UBAC2: variants seen among roughly 807,000 people sequenced by gnomAD.
UBAC2 encodes ubiquitin-associated domain-containing protein 2.
In UBAC2, 26 loss-of-function variants were observed where a neutral mutation model predicts 44.0. The ratio of observed to expected loss-of-function variants is 0.59; its 90% confidence interval spans 0.43 to 0.82. UBAC2 has a LOEUF of 0.82. UBAC2 is among the 40% of genes least tolerant of loss of function. UBAC2 has a pLI of 0.00. For synonymous variants in UBAC2, 155 were observed against 154.3 expected, an observed-to-expected ratio of 1.00 and a Z score of -0.04; for missense variants, 329 against 419.4, an observed-to-expected ratio of 0.78 and a Z score of 1.88.
chr13:99,332,958 G>T (rs1209519021), intron 6 of UBAC2, among the ~76,000 whole-genome samples: 1 of 152,038 alleles, frequency 6.6e-6, no homozygotes, highest in East Asian at 1.9e-4. Context: ...TGTAAAAAAG[G>T]TTTATGAGAT....
At chr13:99,279,460 A>G (rs1387858169) in intron 4 of UBAC2, among the ~76,000 whole-genome samples, 4 of 152,220 alleles carry the variant, frequency 2.6e-5, no homozygotes, top group Non-Finnish European at 5.9e-5. Context: ...ATGCTTTCTT[A>G]GAACATTTTT....
At chr13:99,299,419 T>C (rs912962103) in intron 4 of UBAC2, among the ~76,000 whole-genome samples, 1 of 152,034 alleles carries the variant, frequency 6.6e-6, no homozygotes, top group Admixed American at 6.6e-5. Context: ...TTATACAACA[T>C]GCCACTTTTT....
intron 4 of UBAC2, among the ~76,000 whole-genome samples, chr13:99,302,963 A>T (rs528638996): frequency 1.3e-5 from 2 of 152,304 alleles, no homozygotes; most frequent in East Asian, 3.9e-4. Flanking sequence ...GAGAACAATG[A>T]TATTCAGCAT....
chr13:99,356,059 C>G (rs7993715), intron 7 of UBAC2: 43,434 of 470,286 alleles, frequency 0.092, 2,239 homozygotes, highest in East Asian at 0.14. Context: ...ATCAGCTGTG[C>G]TAGGTATGTC....
At position 99,242,063 on chromosome 13, in the gene UBAC2, C is replaced by T. The variant is rs1594036911; in HGVS notation, c.160-1769C>T. 3.3e-5 allele frequency among the ~76,000 whole-genome samples: 5 copies of T among 151,596 alleles called. 1 individual carries two copies. The South Asian group carries it at 1.0e-3, about 32-fold the overall frequency. On this transcript the variant is annotated intron_variant, in intron 2 of 8. Transcript: ENST00000403766. ...GAGCACAGGGTTGGGGGTAAGGTCA[C>T]AGATCAACAGGATCCCAAGGCAGAA...
intron 1 of UBAC2, among the ~76,000 whole-genome samples, chr13:99,214,409 CTT>C (rs1324583925): frequency 6.6e-6 from 1 of 151,968 alleles, no homozygotes; most frequent in Non-Finnish European, 1.5e-5. Flanking sequence ...GAGGCTCAAA[CTT>C]GAAATGGCAG....
At chr13:99,233,278 A>G (rs550355272) in intron 1 of UBAC2, among the ~76,000 whole-genome samples, 2 of 151,942 alleles carry the variant, frequency 1.3e-5, no homozygotes, top group South Asian at 4.2e-4. Flanking sequence ...ATGCCCAGCT[A>G]ATTTTTGTAT....
rs138165560 is a variant in UBAC2, at chr13:99,385,891, C to G, written c.*556C>G. The G allele has an allele frequency of 6.5e-6, 1 of 154,610 alleles. No individual in the cohort carries two copies. The highest frequency in any genetic ancestry group is 1.9e-4 in the East Asian group (1 of 5,240). The allele number at this position is 154,610 out of a possible 1,614,324, so 9.6% of individuals were successfully genotyped here. On this transcript the variant is annotated 3_prime_UTR_variant, in exon 9 of 9. Coordinates refer to ENST00000403766, the MANE Select transcript of UBAC2 (RefSeq NM_001144072.2). ...GACTCTGCAGTACCTTCTCCTACAT[C>G]TAGTAACAAAGAATGGTGATAACCA...
chr13:99,200,903 G>C lies in UBAC2; in HGVS notation c.-6G>C. On this transcript the variant is annotated 5_prime_UTR_variant, in exon 1 of 9. Coordinates refer to ENST00000403766, the MANE Select transcript of UBAC2 (RefSeq NM_001144072.2). ...CGCCCTCTGGGGCTCCGAGCCCGGC[G>C]GGACCATGTTCACCAGCACCGGCTC... The C allele has an allele frequency of 7.7e-7, 1 of 1,304,144 alleles. No individual in the cohort carries two copies. Among genetic ancestry groups the C allele is most frequent in the Non-Finnish European group, 9.8e-7 (1 of 1,018,292 alleles). The allele number at this position is 1,304,144 out of a possible 1,614,324, so 80.8% of individuals were successfully genotyped here.
At chr13:99,251,511 T>C (rs1453114456) in intron 4 of UBAC2, among the ~76,000 whole-genome samples, 1 of 152,212 alleles carries the variant, frequency 6.6e-6, no homozygotes, top group African/African-American at 2.4e-5. Flanking sequence ...TGTCTACTTT[T>C]TTACAGTAAT....
Position 99,270,352 on chromosome 13 carries a change from T to G in UBAC2, c.389+25728T>G, listed in dbSNP as rs72648096. ...TTGAAGTCTTATATGAACCACAGAC[T>G]GTTTTCACTAGAATGCACATGTATG... On this transcript the variant is annotated intron_variant, in intron 4 of 8. Coordinates refer to ENST00000403766, the MANE Select transcript of UBAC2 (RefSeq NM_001144072.2). Among the ~76,000 whole-genome samples the G allele has an allele frequency of 7.2e-3, 1,095 of 152,350 alleles. 6 individuals are homozygous for G. Among genetic ancestry groups the G allele is most frequent in the Non-Finnish European group, 0.012 (804 of 68,014 alleles).
chr13:99,211,223 G>A (rs72648072), intron 1 of UBAC2, among the ~76,000 whole-genome samples: 3 of 152,082 alleles, frequency 2.0e-5, no homozygotes, highest in Non-Finnish European at 4.4e-5. Context: ...CTCCACAAAC[G>A]AGTCTTTTCA....
chr13:99,268,687 A>T (rs567020871), intron 4 of UBAC2, among the ~76,000 whole-genome samples: 12 of 150,538 alleles, frequency 8.0e-5, no homozygotes, highest in Non-Finnish European at 1.3e-4. Context: ...CTTTCTCTTG[A>T]GTCTTAAAAA....
rs746957543 is a variant in UBAC2 at position 99,200,908 on chromosome 13, C to T, written c.-1C>T. On this transcript the variant is annotated 5_prime_UTR_variant, in exon 1 of 9. Coordinates refer to ENST00000403766, the MANE Select transcript of UBAC2 (RefSeq NM_001144072.2). ...TCTGGGGCTCCGAGCCCGGCGGGAC[C>T]ATGTTCACCAGCACCGGCTCCAGTG... The T allele has an allele frequency of 3.1e-6, 4 of 1,304,470 alleles. No individual in the cohort carries two copies. Among genetic ancestry groups the T allele is most frequent in the South Asian group, 3.0e-5 (1 of 33,242 alleles). 80.8% of individuals were successfully genotyped at this position (1,304,470 alleles called of 1,614,324 possible).
At chr13:99,382,947 G>T (rs1293923745) in intron 8 of UBAC2, among the ~76,000 whole-genome samples, 1 of 152,196 alleles carries the variant, frequency 6.6e-6, no homozygotes, top group Non-Finnish European at 1.5e-5. Context: ...GGAGAGGGCT[G>T]TCACACCCGC....
At chr13:99,312,372 A>C (rs913430337) in intron 4 of UBAC2, among the ~76,000 whole-genome samples, 5 of 152,206 alleles carry the variant, frequency 3.3e-5, no homozygotes, top group African/African-American at 9.7e-5. Context: ...ACACAGACTG[A>C]GTAATTAAGC....
At position 99,279,574 on chromosome 13, in the gene UBAC2, G is replaced by C. The variant is rs138652713; in HGVS notation, c.390-34523G>C. Reference sequence around the variant, plus strand: ...ACAGACTTTGTGCCAGGAGGAGACTGTGTTAGTTTGTCTCACTAATGATGC... The same window carrying C: ...ACAGACTTTGTGCCAGGAGGAGACTCTGTTAGTTTGTCTCACTAATGATGC... On this transcript the variant is annotated intron_variant, in intron 4 of 8. Coordinates refer to ENST00000403766, the MANE Select transcript of UBAC2 (RefSeq NM_001144072.2). 7.2e-5 allele frequency among the ~76,000 whole-genome samples: 11 copies of C among 152,334 alleles called. No homozygotes were observed. The East Asian group carries it at 1.9e-3, about 27-fold the overall frequency.
intron 1 of UBAC2, among the ~76,000 whole-genome samples, chr13:99,216,182 A>G (rs1436545846): frequency 6.6e-6 from 1 of 151,626 alleles, no homozygotes; most frequent in Non-Finnish European, 1.5e-5. Context: ...GCTCACTGCA[A>G]CCTCTGCCTC....
chr13:99,204,130 G>GT (rs1304195604), intron 1 of UBAC2, among the ~76,000 whole-genome samples: 2 of 152,134 alleles, frequency 1.3e-5, no homozygotes, highest in Non-Finnish European at 2.9e-5. Flanking sequence ...GATGGACTCA[G>GT]TCAACATTAA....
Sources: allele counts gnomAD v4.1 joint callset (sites outside exome capture counted in the v4.1 genomes callset), GRCh38; gene constraint gnomAD v4.1.1; transcripts MANE v1.5; gene names NCBI Gene and HGNC (gene_info 2026-07-23, HGNC 2026-07-21).